SKAP2: variants seen among roughly 807,000 people sequenced by gnomAD.
SKAP2 encodes src kinase associated phosphoprotein 2.
In SKAP2, 28 loss-of-function variants were observed where a neutral mutation model predicts 54.9. The observed-to-expected ratio is 0.51, with a 90% CI of 0.38 to 0.70. SKAP2 has a LOEUF of 0.70. Ranked by LOEUF, SKAP2 falls within the 30% of genes least tolerant of loss-of-function variation. The pLI, the probability that SKAP2 is intolerant of heterozygous loss-of-function variation, is 0.00. For synonymous variants in SKAP2, 137 were observed against 134.3 expected (o/e 1.02, Z -0.14); for missense variants, 356 against 424.1 (o/e 0.84, Z 1.41).
chr7:26,776,827 A>T (rs1206282188), intron 4 of SKAP2, among the ~76,000 whole-genome samples: 2 of 152,168 alleles, frequency 1.3e-5, no homozygotes, highest in Non-Finnish European at 2.9e-5. Context: ...CTCACTGTCT[A>T]TGTGATAGAG....
intron 4 of SKAP2, among the ~76,000 whole-genome samples, chr7:26,749,327 T>C (rs963849595): frequency 4.6e-5 from 7 of 152,320 alleles, no homozygotes; most frequent in Non-Finnish European, 8.8e-5. Context: ...GTCTATATTA[T>C]GCGCCAGGCT....
intron 4 of SKAP2, among the ~76,000 whole-genome samples, chr7:26,809,752 G>C (rs952757142): frequency 1.3e-5 from 2 of 152,118 alleles, no homozygotes; most frequent in East Asian, 3.9e-4. Flanking sequence ...TCCCACTTCT[G>C]GGAATATATC....
chr7:26,722,927 T>C lies in SKAP2; in HGVS notation c.796+2501A>G, dbSNP rs77616651. ...AACTAAGAGGATTAGTTTTCAACAA[T>C]GCATAATTGACAGAAAATTGTGTTG... On this transcript the variant is annotated intron_variant, in intron 9 of 12. Transcript: ENST00000345317. Among the ~76,000 whole-genome samples the C allele has an allele frequency of 5.3e-3, 808 of 152,360 alleles. 7 individuals carry two copies. The highest frequency in any genetic ancestry group is 0.019 in the African/African-American group (770 of 41,582).
At chr7:26,748,175 A>G (rs1038286871) in intron 4 of SKAP2, among the ~76,000 whole-genome samples, 14 of 152,148 alleles carry the variant, frequency 9.2e-5, no homozygotes, top group African/African-American at 3.4e-4. Context: ...TCCCTTTCTC[A>G]TAAAAGTAGA....
At chr7:26,761,069 CG>C (rs1263785373) in intron 4 of SKAP2, among the ~76,000 whole-genome samples, 8 of 151,788 alleles carry the variant, frequency 5.3e-5, no homozygotes, top group Non-Finnish European at 1.2e-4. Context: ...ATGAAATGCG[CG>C]AAAGTGGAAC....
intron 4 of SKAP2, among the ~76,000 whole-genome samples, chr7:26,822,568 T>A (rs1784403326): frequency 6.6e-6 from 1 of 152,008 alleles, no homozygotes; most frequent in South Asian, 2.1e-4. Flanking sequence ...AACACTGAAA[T>A]TAAGCCAATT....
At position 26,680,662 on chromosome 7, in the gene SKAP2, T is replaced by TAAA. The variant is rs906071354; in HGVS notation, c.987+4071_987+4073dup. 1.3e-5 allele frequency among the ~76,000 whole-genome samples: 2 copies of TAAA among 152,114 alleles called. 1 individual carries two copies. Among genetic ancestry groups the TAAA allele is most frequent in the African/African-American group, 4.8e-5 (2 of 41,432 alleles). ...TACTGAAGCTTTTAATTTTAACACA[T>TAAA]AAAAAAACAGCAGCAACCCTATGTG... On this transcript the variant is annotated intron_variant, in intron 11 of 12. Coordinates refer to ENST00000345317, the MANE Select transcript of SKAP2 (RefSeq NM_003930.5).
chr7:26,815,377 G>C (rs3801829), intron 4 of SKAP2, among the ~76,000 whole-genome samples: 32,324 of 151,994 alleles, frequency 0.21, 3,524 homozygotes, highest in Non-Finnish European at 0.24. Flanking sequence ...ACATAATATA[G>C]GATTTGTTTA....
At chr7:26,771,303 T>C (rs1177662196) in intron 4 of SKAP2, among the ~76,000 whole-genome samples, 3 of 152,226 alleles carry the variant, frequency 2.0e-5, no homozygotes, top group Admixed American at 1.3e-4. Flanking sequence ...AAAACTTTTC[T>C]TCCAGACTTG....
chr7:26,854,176 A>C lies in SKAP2; in HGVS notation c.174-14T>G. ...TCCTGAAGATAGCTACAAAACAAAG[A>C]ACATATTTTTAAATGAGGTTGAAAA... On this transcript the variant is annotated splice_polypyrimidine_tract_variant and intron_variant, in intron 2 of 12. Transcript: ENST00000345317. The C allele has an allele frequency of 1.3e-6, 2 of 1,553,514 alleles. No homozygotes were observed. The highest frequency in any genetic ancestry group is 1.7e-6 in the Non-Finnish European group (2 of 1,142,940).
intron 4 of SKAP2, among the ~76,000 whole-genome samples, chr7:26,824,387 C>G (rs1384616975): frequency 6.6e-6 from 1 of 152,096 alleles, no homozygotes; most frequent in Non-Finnish European, 1.5e-5. Flanking sequence ...TAAAGGATGA[C>G]AAACACAACG....
chr7:26,660,169 TTG>T, the SKAP2 span, among the ~76,000 whole-genome samples: 1 of 152,116 alleles, frequency 6.6e-6, no homozygotes, highest in East Asian at 1.9e-4. Flanking sequence ...CTTTCATTTT[TTG>T]TGTGTTTCTA....
chr7:26,854,240 C>A, intron 2 of SKAP2, 78 bp from the exon 3 acceptor site: 1 of 888,414 alleles, frequency 1.1e-6, no homozygotes. Context: ...AATTAAAATC[C>A]AAAATCTATA....
intron 4 of SKAP2, among the ~76,000 whole-genome samples, chr7:26,805,319 A>G (rs1475520522): frequency 6.6e-6 from 1 of 152,256 alleles, no homozygotes; most frequent in East Asian, 1.9e-4. Flanking sequence ...ACCAGTGATT[A>G]CTTTCTTCAT....
chr7:26,692,109 G>A (rs1024334832), intron 9 of SKAP2, among the ~76,000 whole-genome samples: 2 of 151,970 alleles, frequency 1.3e-5, no homozygotes, highest in Admixed American at 6.6e-5. Flanking sequence ...CTGAACTGAA[G>A]GGGCAAAGGA....
In SKAP2 at chr7:26,802,260, G is replaced by C. The variant is rs1783929547; in HGVS notation, c.307+41770C>G. Among the ~76,000 whole-genome samples, 3 of 129,452 alleles carry C rather than the reference G, an allele frequency of 2.3e-5. No individual in the cohort carries two copies. The South Asian group carries it at 7.4e-4, about 32-fold the overall frequency. 84.9% of individuals were successfully genotyped at this position (129,452 alleles called of 152,430 possible). A position where few individuals can be genotyped will look rare whatever the true frequency, so the allele number is the denominator to read the frequency against. The stretch of plus-strand genomic sequence containing the variant: ...AAGAACATAGACTGGAGAAAAGACA[G>C]TTTTTTTTTTTTTTTGGTTTTTTTT... On this transcript the variant is annotated intron_variant, in intron 4 of 12. Coordinates refer to ENST00000345317, the MANE Select transcript of SKAP2 (RefSeq NM_003930.5).
At chr7:26,745,885 C>T (rs1189476839) in intron 4 of SKAP2, among the ~76,000 whole-genome samples, 1 of 152,102 alleles carries the variant, frequency 6.6e-6, no homozygotes, top group East Asian at 1.9e-4. Context: ...ATATATTAGG[C>T]TTTGATTCTC....
At chr7:26,810,730 G>A (rs1173827599) in intron 4 of SKAP2, among the ~76,000 whole-genome samples, 1 of 152,062 alleles carries the variant, frequency 6.6e-6, no homozygotes, top group Non-Finnish European at 1.5e-5. Context: ...TCACCAGGCT[G>A]GAGTCCAGTG....
At chr7:26,754,049 G>A (rs1456486404) in intron 4 of SKAP2, among the ~76,000 whole-genome samples, 2 of 152,058 alleles carry the variant, frequency 1.3e-5, no homozygotes, top group Non-Finnish European at 2.9e-5. Context: ...TGCCTATTTA[G>A]CTATGTGATT....
Sources: gnomAD v4.1 joint callset for allele counts (sites outside exome capture counted in the v4.1 genomes callset) on GRCh38, gnomAD v4.1.1 for gene constraint, MANE v1.5 for transcripts, NCBI Gene and HGNC (gene_info 2026-07-23, HGNC 2026-07-21) for gene names.